The following MTCL1 variants were observed in gnomAD, a reference collection of about 807,000 sequenced individuals.
MTCL1 encodes microtubule crosslinking factor 1.
Under a neutral mutation model 141.4 loss-of-function variants are expected in MTCL1, and 79 were observed. The ratio of observed to expected loss-of-function variants is 0.56; its 90% CI spans 0.47 to 0.67. The LOEUF is 0.67. Ranked by LOEUF, MTCL1 falls within the 30% of genes least tolerant of loss-of-function variation. The pLI, the probability that MTCL1 is intolerant of heterozygous loss-of-function variation, is 0.00. For missense variants in MTCL1, 2,177 were observed against 2,113.9 expected, an observed-to-expected ratio of 1.03 and a Z score of -0.59; for synonymous variants, 914 against 875.8, an observed-to-expected ratio of 1.04 and a Z score of -0.77.
intron 1 of MTCL1, among the ~76,000 whole-genome samples, chr18:8,709,646 A>G (rs528045323): frequency 3.9e-5 from 6 of 152,302 alleles, no homozygotes; most frequent in Admixed American, 2.0e-4. Context: ...TTACGTTGCT[A>G]TATTCTGGAG....
chr18:8,766,532 T>C (rs1316388573), intron 4 of MTCL1, among the ~76,000 whole-genome samples: 2 of 152,228 alleles, frequency 1.3e-5, no homozygotes, highest in Non-Finnish European at 2.9e-5. Context: ...CTTTTCAACA[T>C]TGTCTGCAAT....
chr18:8,820,390 A>C (rs1382856302), intron 13 of MTCL1, among the ~76,000 whole-genome samples: 2 of 152,152 alleles, frequency 1.3e-5, no homozygotes, highest in Admixed American at 1.3e-4. Context: ...AGCCTGGGCG[A>C]CAGAGCAAGA....
At chr18:8,735,394 C>CT in intron 4 of MTCL1, among the ~76,000 whole-genome samples, 1 of 152,188 alleles carries the variant, frequency 6.6e-6, no homozygotes, top group East Asian at 1.9e-4. Context: ...CTGTGTGGCT[C>CT]TGTCCTCTGG....
intron 4 of MTCL1, among the ~76,000 whole-genome samples, chr18:8,753,499 CCA>C (rs2096382300): frequency 6.6e-6 from 1 of 152,144 alleles, no homozygotes; most frequent in Non-Finnish European, 1.5e-5. Flanking sequence ...TTCCTTGTCC[CCA>C]CATCCAGTAA....
chr18:8,732,600 C>A (rs2096256006), intron 4 of MTCL1, among the ~76,000 whole-genome samples: 1 of 151,892 alleles, frequency 6.6e-6, no homozygotes, highest in South Asian at 2.1e-4. Flanking sequence ...GTTTTTTTCT[C>A]CCTGGTAATA....
intron 12 of MTCL1, among the ~76,000 whole-genome samples, chr18:8,815,796 A>G (rs1262757792): frequency 6.6e-6 from 1 of 152,004 alleles, no homozygotes. Flanking sequence ...CAGCCTCAGA[A>G]CCCAGTCCTC....
intron 4 of MTCL1, among the ~76,000 whole-genome samples, chr18:8,737,130 T>C (rs529431195): frequency 9.2e-5 from 14 of 152,308 alleles, no homozygotes; most frequent in East Asian, 7.7e-4. Flanking sequence ...TAACTCTGCA[T>C]GTTCCCTTCT....
chr18:8,775,786 T>A (rs2096505404), intron 4 of MTCL1, among the ~76,000 whole-genome samples: 2 of 152,142 alleles, frequency 1.3e-5, no homozygotes, highest in African/African-American at 4.8e-5. Flanking sequence ...CTTCCACCTT[T>A]GTTAGTCAGG....
At chr18:8,716,335 G>C (rs377145754), upstream of MTCL1, among the ~76,000 whole-genome samples, 3 of 152,250 alleles carry the variant, frequency 2.0e-5, no homozygotes, top group East Asian at 5.8e-4. Context: ...TCTCTTGATG[G>C]GATAGTGTAG....
intron 16 of MTCL1, chr18:8,831,087 A>C (rs2077178362): frequency 1.0e-6 from 1 of 985,988 alleles, no homozygotes; most frequent in African/African-American, 1.7e-5. Flanking sequence ...AGTCAATTTC[A>C]AATAAACAGT....
chr18:8,819,329 A>AGATGCC lies in MTCL1; in HGVS notation c.3156+70_3156+71insGATGCC. The AGATGCC allele has an allele frequency of 2.0e-6, 3 of 1,521,698 alleles. No homozygotes were observed. The Admixed American group carries it at 5.5e-5, about 28-fold the overall frequency. 94.3% of individuals were successfully genotyped at this position (1,521,698 alleles called of 1,614,324 possible). A position where few individuals can be genotyped will look rare whatever the true frequency, so the allele number is the denominator to read the frequency against. Reference sequence around the variant, plus strand: ...GGAGCCGTCATGAAACCTAAGAGGCATCTGCCAGATTCCTCTCCTGGCAGG... The same window carrying AGATGCC: ...GGAGCCGTCATGAAACCTAAGAGGCAGATGCCTCTGCCAGATTCCTCTCCTGGCAGG... On this transcript the variant is annotated intron_variant, in intron 13 of 16. Coordinates refer to ENST00000359865, the Ensembl canonical transcript of MTCL1.
chr18:8,829,068 C>T (rs1479278821), intron 16 of MTCL1: 11 of 1,586,240 alleles, frequency 6.9e-6, no homozygotes, highest in Admixed American at 1.8e-5. Flanking sequence ...TGCCCGGTGG[C>T]GGTACCCTCG....
intron 1 of MTCL1, among the ~76,000 whole-genome samples, chr18:8,710,837 CTTTTTTTTTTTTT>C (rs59041416): frequency 1.2e-5 from 1 of 80,934 alleles, no homozygotes; most frequent in South Asian, 4.9e-4. Context: ...GGAAGGCTTT[CTTTTTTTTTTTTT>C]TTTTTTTAAT....
At chr18:8,769,187 C>T (rs901492568) in intron 4 of MTCL1, among the ~76,000 whole-genome samples, 2 of 152,090 alleles carry the variant, frequency 1.3e-5, no homozygotes, top group African/African-American at 2.4e-5. Flanking sequence ...TTATAAATGC[C>T]CAAGGGCCCA....
chr18:8,815,957 T>C (rs961659612), intron 12 of MTCL1, among the ~76,000 whole-genome samples: 1 of 152,232 alleles, frequency 6.6e-6, no homozygotes, highest in African/African-American at 2.4e-5. Context: ...GAACTGATGC[T>C]TCAGACATGC....
intron 1 of MTCL1, among the ~76,000 whole-genome samples, chr18:8,710,453 CT>C (rs1467210599): frequency 4.4e-4 from 49 of 112,468 alleles, no homozygotes; most frequent in African/African-American, 1.6e-3. Context: ...AACCCAGGCA[CT>C]TTCTTTTTTT....
chr18:8,735,446 G>A (rs1045930482), intron 4 of MTCL1, among the ~76,000 whole-genome samples: 38 of 152,144 alleles, frequency 2.5e-4, no homozygotes, highest in African/African-American at 8.2e-4. Context: ...AACCCTTGCC[G>A]GAATGTGGGT....
At chr18:8,798,126 C>T (rs770603534) in exon 10 of MTCL1, 19 of 1,591,820 alleles carry the variant, frequency 1.2e-5, no homozygotes, top group Admixed American at 8.9e-5. Context: ...TCTCCAGGCT[C>T]GGGGAGCTTG....
Position 8,779,051 on chromosome 18 carries a change from C to T in MTCL1, c.417+1159C>T, listed in dbSNP as rs534552452. Reference sequence around the variant, plus strand: ...TGTTCAGCAGAATGGTGGAATGGAGCGCCCTGGGAACTGCAGGCCCGCAAC... The same window carrying T: ...TGTTCAGCAGAATGGTGGAATGGAGTGCCCTGGGAACTGCAGGCCCGCAAC... On this transcript the variant is annotated intron_variant, in intron 5 of 16. Coordinates refer to ENST00000359865, the Ensembl canonical transcript of MTCL1. The surrounding 1 kb of genome is among the most constrained non-coding windows in gnomAD (Gnocchi z 4.1). Among the ~76,000 whole-genome samples the T allele has an allele frequency of 7.9e-5, 12 of 152,326 alleles. No homozygotes were observed. The highest frequency in any genetic ancestry group is 2.6e-4 in the African/African-American group (11 of 41,590).
Sources: allele counts gnomAD v4.1 joint callset (sites outside exome capture counted in the v4.1 genomes callset), GRCh38; gene constraint gnomAD v4.1.1; non-coding constraint Gnocchi (gnomAD v3.1); transcripts MANE v1.5; gene names NCBI Gene and HGNC (gene_info 2026-07-23, HGNC 2026-07-21).